ZFP91: variants seen among roughly 807,000 people sequenced by gnomAD.
The protein encoded by ZFP91 is E3 ubiquitin-protein ligase ZFP91.
ZFP91 carries 7 observed loss-of-function variants against 63.5 expected under a neutral mutation model. The observed-to-expected ratio is 0.11, with a 90% CI of 0.06 to 0.21. The LOEUF is 0.21. Among genes scored for constraint, ZFP91 ranks in the 10% least tolerant of loss-of-function variants. The pLI, the probability that ZFP91 is intolerant of heterozygous loss-of-function variation, is 1.00. For synonymous variants in ZFP91, 330 were observed against 272.1 expected, an observed-to-expected ratio of 1.21 and a Z score of -2.10; for missense variants, 628 against 736.6, an observed-to-expected ratio of 0.85 and a Z score of 1.71.
At position 58,620,743 on chromosome 11, in the gene ZFP91, T is replaced by A. The variant is rs1368161237; in HGVS notation, c.*3037T>A. 1 of 152,652 alleles carries A rather than the reference T, an allele frequency of 6.6e-6. No individual in the cohort carries two copies. The highest frequency in any genetic ancestry group is 6.5e-5 in the Admixed American group (1 of 15,274). 9.5% of individuals were successfully genotyped at this position (152,652 alleles called of 1,614,324 possible). On this transcript the variant is annotated 3_prime_UTR_variant, in exon 11 of 11. Transcript: ENST00000316059. ...GTCTGGTTGTTTGAAATACCATTTT[T>A]TTCTCCTTTTGTGTTTTTCCCACTT...
intron 1 of ZFP91, among the ~76,000 whole-genome samples, chr11:58,584,296 A>C (rs1242102056): frequency 1.3e-5 from 2 of 152,098 alleles, no homozygotes; most frequent in Non-Finnish European, 2.9e-5. Flanking sequence ...TTTTATTATG[A>C]AAATTGTTAA....
At chr11:58,589,538 G>T (rs1441857342) in intron 2 of ZFP91, among the ~76,000 whole-genome samples, 2 of 152,204 alleles carry the variant, frequency 1.3e-5, no homozygotes, top group African/African-American at 4.8e-5. Flanking sequence ...AAAACAAAGT[G>T]CAGCTAGTGA....
intron 1 of ZFP91, among the ~76,000 whole-genome samples, chr11:58,582,098 A>G (rs1018590497): frequency 1.3e-5 from 2 of 152,214 alleles, no homozygotes; most frequent in East Asian, 3.8e-4. Flanking sequence ...AACTTGTTTC[A>G]TCAGTATCTG....
chr11:58,613,132 A>G (rs1487602045), intron 8 of ZFP91, among the ~76,000 whole-genome samples: 1 of 152,184 alleles, frequency 6.6e-6, no homozygotes, highest in Non-Finnish European at 1.5e-5. Context: ...AATCATGATT[A>G]GTCCATTTGT....
At chr11:58,605,713 G>A (rs1251684801) in intron 2 of ZFP91, among the ~76,000 whole-genome samples, 1 of 151,822 alleles carries the variant, frequency 6.6e-6, no homozygotes, top group East Asian at 1.9e-4. Flanking sequence ...TCTTTCTACC[G>A]ATTGATAATA....
At chr11:58,599,248 A>G (rs1463641293) in intron 2 of ZFP91, among the ~76,000 whole-genome samples, 4 of 152,054 alleles carry the variant, frequency 2.6e-5, no homozygotes, top group African/African-American at 9.7e-5. Context: ...GGTATTGAGA[A>G]TTGTGCTTCT....
chr11:58,611,727 A>C lies in ZFP91; in HGVS notation c.846A>C (p.Glu282Asp). 1 of 1,606,848 alleles carries C rather than the reference A, an allele frequency of 6.2e-7. No homozygotes were observed. Among genetic ancestry groups the C allele is most frequent in the Non-Finnish European group, 8.5e-7 (1 of 1,176,666 alleles). The stretch of plus-strand genomic sequence containing the variant: ...AGAATGAAATTAGAGAGGATGAGGA[A>C]CCTCCAAGGAAGTGAGTAGGCAATT... ...EEENEIREDE[E>D]PPRKRGRRRK... The change falls in exon 6 of 11, where the codon GAA becomes GAC. Residue 282 changes from glutamate (E) to aspartate (D), a missense_variant. Glu to Asp is a conservative substitution (Grantham distance 45). Around this residue, in one of 3 missense-constraint regions of ZFP91, gnomAD observed 437 missense variants for 380.3 expected, o/e 1.15. Coordinates refer to ENST00000316059, the MANE Select transcript of ZFP91 (RefSeq NM_053023.5).
intron 2 of ZFP91, among the ~76,000 whole-genome samples, chr11:58,589,435 AAACAAC>A (rs902719162): frequency 1.3e-5 from 2 of 152,170 alleles, no homozygotes; most frequent in Non-Finnish European, 2.9e-5. Flanking sequence ...TGTAAGTTAA[AAACAAC>A]AACAACAACA....
chr11:58,584,017 T>C (rs1005044937), intron 1 of ZFP91, among the ~76,000 whole-genome samples: 2 of 152,048 alleles, frequency 1.3e-5, no homozygotes, highest in Non-Finnish European at 2.9e-5. Context: ...GTAGTAAGTA[T>C]AGGAAGTTCA....
At chr11:58,584,446 T>C (rs118007324) in intron 1 of ZFP91, among the ~76,000 whole-genome samples, 2,183 of 152,232 alleles carry the variant, frequency 0.014, 25 homozygotes, top group Non-Finnish European at 0.02. Flanking sequence ...ATTTCATCTC[T>C]AGTTAGTACA....
At chr11:58,582,004 G>T (rs1465197919) in intron 1 of ZFP91, among the ~76,000 whole-genome samples, 1 of 152,100 alleles carries the variant, frequency 6.6e-6, no homozygotes. Flanking sequence ...ACAAATTTTC[G>T]TCATAATAGA....
chr11:58,585,494 T>C (rs1855191330), intron 2 of ZFP91, among the ~76,000 whole-genome samples: 1 of 152,212 alleles, frequency 6.6e-6, no homozygotes, highest in South Asian at 2.1e-4. Context: ...TTTGTTTTTT[T>C]CTAGTTTTTG....
intron 1 of ZFP91, 56 bp downstream of exon 1, chr11:58,579,678 C>A: frequency 6.9e-7 from 1 of 1,440,676 alleles, no homozygotes; most frequent in Non-Finnish European, 9.1e-7. Context: ...GTACGCAACC[C>A]TCTCGGCTCC....
rs1855690403 is a variant in ZFP91, at chr11:58,612,900, C to T, written c.987+60C>T. 11 of 1,429,492 alleles carry T rather than the reference C, an allele frequency of 7.7e-6. No individual in the cohort carries two copies. The South Asian group carries it at 1.3e-4, about 17-fold the overall frequency. The allele number at this position is 1,429,492 out of a possible 1,614,324, so 88.6% of individuals were successfully genotyped here. Reference sequence around the variant, plus strand: ...TGTGTTCCATTACTTGTTCTTGCACCACGAGACTTTAATTTGTTGGCTTGT... The same window carrying T: ...TGTGTTCCATTACTTGTTCTTGCACTACGAGACTTTAATTTGTTGGCTTGT... On this transcript the variant is annotated intron_variant, in intron 8 of 10. Coordinates refer to ENST00000316059, the MANE Select transcript of ZFP91 (RefSeq NM_053023.5).
At chr11:58,584,495 A>G (rs1855170854) in intron 1 of ZFP91, among the ~76,000 whole-genome samples, 1 of 152,100 alleles carries the variant, frequency 6.6e-6, no homozygotes, top group Non-Finnish European at 1.5e-5. Flanking sequence ...ATAATCACTT[A>G]ATGTAACAAA....
At chr11:58,582,590 T>C (rs1409544028) in intron 1 of ZFP91, among the ~76,000 whole-genome samples, 2 of 152,280 alleles carry the variant, frequency 1.3e-5, no homozygotes, top group East Asian at 1.9e-4. Flanking sequence ...TCTGTTCCCA[T>C]TGGAAGGCAA....
intron 1 of ZFP91, among the ~76,000 whole-genome samples, chr11:58,580,217 A>G (rs1280679113): frequency 6.6e-6 from 1 of 152,080 alleles, no homozygotes; most frequent in Non-Finnish European, 1.5e-5. Context: ...TCTTTCATAT[A>G]AAATTATATG....
At chr11:58,596,957 G>A (rs939807851) in intron 2 of ZFP91, among the ~76,000 whole-genome samples, 4 of 151,970 alleles carry the variant, frequency 2.6e-5, no homozygotes, top group African/African-American at 7.3e-5. Context: ...CTTATGACCC[G>A]CTGATTGGGA....
intron 2 of ZFP91, among the ~76,000 whole-genome samples, chr11:58,592,784 A>G (rs1365623023): frequency 6.6e-6 from 1 of 152,196 alleles, no homozygotes; most frequent in Non-Finnish European, 1.5e-5. Context: ...GAGTTGCTAG[A>G]AAGGAATATG....
Sources: gnomAD v4.1 joint callset for allele counts (sites outside exome capture counted in the v4.1 genomes callset) on GRCh38, gnomAD v4.1.1 for gene constraint, gnomAD v4.1.1 regional missense constraint, MANE v1.5 for transcripts, NCBI Gene and HGNC (gene_info 2026-07-23, HGNC 2026-07-21) for gene names.